The following CCN4 variants were observed in gnomAD, a reference collection of about 807,000 sequenced individuals.
CCN4 encodes CCN family member 4.
In CCN4, 30 loss-of-function variants were observed where a neutral mutation model predicts 36.7. That is an observed-to-expected ratio of 0.82 (90% CI 0.61 to 1.11). CCN4 has a LOEUF of 1.11. Ranked by LOEUF, CCN4 falls within the 50% of genes least tolerant of loss-of-function variation. CCN4 has a pLI of 0.00. For synonymous variants in CCN4, 191 were observed against 195.4 expected, an observed-to-expected ratio of 0.98 and a Z score of 0.19; for missense variants, 505 against 504.9, an observed-to-expected ratio of 1.00 and a Z score of 0.00.
intron 1 of CCN4, among the ~76,000 whole-genome samples, chr8:133,198,141 A>G (rs1853456226): frequency 6.6e-6 from 1 of 152,188 alleles, no homozygotes; most frequent in African/African-American, 2.4e-5. Flanking sequence ...ATATATTCCA[A>G]GAGTCCACTC....
At chr8:133,204,654 G>T (rs539505375) in intron 1 of CCN4, among the ~76,000 whole-genome samples, 109 of 152,292 alleles carry the variant, frequency 7.2e-4, no homozygotes, top group Middle Eastern at 6.8e-3. Context: ...TCCCAGGTTC[G>T]AGCAATTCTC....
chr8:133,225,287 G>A (rs1854684796), intron 3 of CCN4, 103 bp from the exon 4 acceptor site: 2 of 1,271,820 alleles, frequency 1.6e-6, no homozygotes, highest in South Asian at 3.4e-5. Flanking sequence ...CAATTTCTGT[G>A]TTCCTCTGAG....
At chr8:133,205,121 C>T (rs987820512) in intron 1 of CCN4, among the ~76,000 whole-genome samples, 3 of 152,226 alleles carry the variant, frequency 2.0e-5, no homozygotes, top group East Asian at 1.9e-4. Flanking sequence ...AGGTGGGGCC[C>T]GGTGGGCTCA....
At chr8:133,202,569 G>C (rs560256638) in intron 1 of CCN4, among the ~76,000 whole-genome samples, 1 of 152,314 alleles carries the variant, frequency 6.6e-6, no homozygotes, top group African/African-American at 2.4e-5. Flanking sequence ...CCGCCTGCAT[G>C]TTTATAAAAC....
At chr8:133,206,506 A>G (rs945837810) in intron 1 of CCN4, among the ~76,000 whole-genome samples, 11 of 152,198 alleles carry the variant, frequency 7.2e-5, no homozygotes, top group African/African-American at 2.7e-4. Context: ...GGGTGGAAAA[A>G]GAGAACCATT....
At chr8:133,195,053 G>C (rs1406862990) in intron 1 of CCN4, among the ~76,000 whole-genome samples, 1 of 149,156 alleles carries the variant, frequency 6.7e-6, no homozygotes, top group African/African-American at 2.5e-5. Context: ...GTGTGTATGT[G>C]TGTGGTGTGT....
chr8:133,197,656 G>T (rs1336088024), intron 1 of CCN4, among the ~76,000 whole-genome samples: 1 of 152,200 alleles, frequency 6.6e-6, no homozygotes, highest in African/African-American at 2.4e-5. Context: ...TCCAGGGGAT[G>T]CGATAAAATC....
intron 3 of CCN4, among the ~76,000 whole-genome samples, chr8:133,225,045 T>C (rs532426615): frequency 3.3e-5 from 5 of 152,278 alleles, no homozygotes; most frequent in Non-Finnish European, 2.9e-5. Flanking sequence ...GCAGGTGTTA[T>C]TGTTCTAATA....
chr8:133,193,435 G>A (rs1051075936), intron 1 of CCN4, among the ~76,000 whole-genome samples: 22 of 152,208 alleles, frequency 1.4e-4, no homozygotes, highest in African/African-American at 5.1e-4. Context: ...CTCAGGAACA[G>A]CCGAGTGTAT....
intron 3 of CCN4, among the ~76,000 whole-genome samples, chr8:133,222,873 C>T (rs1231480498): frequency 6.6e-6 from 1 of 151,924 alleles, no homozygotes; most frequent in African/African-American, 2.4e-5. Context: ...AAGCTCGGCA[C>T]TGTCAACATC....
At position 133,227,432 on chromosome 8, in the gene CCN4, G is replaced by A. The variant is rs761850811; in HGVS notation, c.826G>A (p.Val276Met). 5.0e-6 allele frequency: 8 copies of A among 1,613,578 alleles called. No individual in the cohort carries two copies. In the South Asian group the frequency reaches 6.6e-5, roughly 13 times the overall value. ...TCAGGCAGGGAAGAAGTGTCTGGCT[G>A]TGTACCAGCCAGAGGCATCCATGAA... ...LIKAGKKCLA[V>M]YQPEASMNFT... Residue 276 changes from valine to methionine, a missense_variant, in exon 5 of 5, where the codon GTG becomes ATG. Physicochemically the swap from Val to Met is conservative, Grantham distance 21. Transcript: ENST00000250160.
At chr8:133,200,498 T>C (rs1853550846) in intron 1 of CCN4, among the ~76,000 whole-genome samples, 1 of 152,176 alleles carries the variant, frequency 6.6e-6, no homozygotes, top group South Asian at 2.1e-4. Context: ...GGTCTCCCCA[T>C]AGCCACCGCC....
chr8:133,210,120 G>A (rs963813397), intron 1 of CCN4, among the ~76,000 whole-genome samples: 2 of 152,142 alleles, frequency 1.3e-5, no homozygotes, highest in East Asian at 3.9e-4. Context: ...CAACACATAT[G>A]AAGCCCTACT....
At position 133,220,737 on chromosome 8, in the gene CCN4, A is replaced by T. The variant is rs756582410; in HGVS notation, c.506A>T (p.His169Leu). Reference sequence around the variant, plus strand: ...CGCCCCCCGCGTCTCTGGTGCCCCCACCCGCGGCGCGTGAGCATACCTGGC... The same window carrying T: ...CGCCCCCCGCGTCTCTGGTGCCCCCTCCCGCGGCGCGTGAGCATACCTGGC... ...RVRPPRLWCPHPRRVSIPGHC... is the reference protein window; with the variant it reads ...RVRPPRLWCPLPRRVSIPGHC... Residue 169 changes from histidine to leucine, a missense_variant, in exon 3 of 5, where the codon CAC (histidine) becomes CTC (leucine). Coordinates refer to ENST00000250160, the MANE Select transcript of CCN4 (RefSeq NM_003882.4). 6.2e-7 allele frequency: 1 copy of T among 1,613,370 alleles called. No homozygotes were observed. Among genetic ancestry groups the T allele is most frequent in the Non-Finnish European group, 8.5e-7 (1 of 1,179,910 alleles).
At chr8:133,205,644 GA>G (rs1853744773) in intron 1 of CCN4, among the ~76,000 whole-genome samples, 1 of 152,140 alleles carries the variant, frequency 6.6e-6, no homozygotes, top group South Asian at 2.1e-4. Flanking sequence ...TGTGGCTGGG[GA>G]AAACAGGAAT....
chr8:133,212,191 A>G (rs1455526259), intron 1 of CCN4, among the ~76,000 whole-genome samples: 1 of 152,120 alleles, frequency 6.6e-6, no homozygotes, highest in African/African-American at 2.4e-5. Flanking sequence ...ACAGCAAAAT[A>G]AAAGGGCTCC....
intron 4 of CCN4, 65 bp from the exon 5 acceptor site, chr8:133,227,346 A>G: frequency 6.6e-7 from 1 of 1,514,508 alleles, no homozygotes. Context: ...CTGGGGGCTC[A>G]GGGGAAGAAG....
intron 1 of CCN4, among the ~76,000 whole-genome samples, chr8:133,201,189 T>C (rs1236880381): frequency 2.0e-5 from 3 of 152,244 alleles, no homozygotes; most frequent in Non-Finnish European, 4.4e-5. Context: ...CTAGTGGCTT[T>C]GGAAAAATTA....
rs1377473719 is a variant in CCN4, at chr8:133,230,202, G to A, written c.*2492G>A. On this transcript the variant is annotated 3_prime_UTR_variant, in exon 5 of 5. Coordinates refer to ENST00000250160, the MANE Select transcript of CCN4 (RefSeq NM_003882.4). ...AACTATCTTATGCAGAGCCCGGAGG[G>A]CAAGTCTCAGACCCATGGGTTGAAG... is the stretch of plus-strand genomic sequence containing the variant. 1 of 152,250 alleles carries A rather than the reference G, an allele frequency of 6.6e-6. No individual in the cohort carries two copies. Among genetic ancestry groups the A allele is most frequent in the African/African-American group, 2.4e-5 (1 of 41,472 alleles). The allele number at this position is 152,250 out of a possible 1,614,324, so 9.4% of individuals were successfully genotyped here. A position where few individuals can be genotyped will look rare whatever the true frequency, so the allele number is the denominator to read the frequency against.
Sources: allele counts gnomAD v4.1 joint callset (sites outside exome capture counted in the v4.1 genomes callset), GRCh38; gene constraint gnomAD v4.1.1; transcripts MANE v1.5; gene names NCBI Gene and HGNC (gene_info 2026-07-23, HGNC 2026-07-21).